ALMS1: variants seen among roughly 807,000 people sequenced by gnomAD.
ALMS1 encodes centrosome-associated protein ALMS1.
In ALMS1, 271 loss-of-function variants were observed where a neutral mutation model predicts 352.2. That is an observed-to-expected ratio of 0.77 (90% CI 0.70 to 0.85). The LOEUF (loss-of-function observed/expected upper bound fraction) is 0.85, where lower values mean the gene tolerates loss of function less well. Among genes scored for constraint, ALMS1 ranks in the 40% least tolerant of loss-of-function variants. The pLI, the probability that ALMS1 is intolerant of heterozygous loss-of-function variation, is 0.00. For missense variants in ALMS1, 5,445 were observed against 4,870.7 expected, an observed-to-expected ratio of 1.12 and a Z score of -3.51; for synonymous variants, 1,865 against 1,761.2, an observed-to-expected ratio of 1.06 and a Z score of -1.48.
chr2:73,408,627 T>G lies in ALMS1; in HGVS notation c.330T>G (p.Val110=). Residue 110 remains valine (V), a synonymous_variant, in exon 2 of 23, where the codon GTT becomes GTG. Transcript: ENST00000613296. ...AGCCTGCTTTTGATTTTCAGATTGT[T>G]CCATTGACCTGTCATGTATGGCAAC... ...EGERTSLEKI[V]PLTCHVWQQI... is the part of the protein sequence containing the mutation. 6.2e-7 allele frequency: 1 copy of G among 1,613,070 alleles called. No homozygotes were observed. The highest frequency in any genetic ancestry group is 1.7e-5 in the Admixed American group (1 of 59,954).
Position 73,600,750 on chromosome 2 carries a change from C to G in ALMS1, c.11741C>G (p.Ser3914Cys). 8 of 1,614,104 alleles carry G rather than the reference C, an allele frequency of 5.0e-6. No homozygotes were observed. The highest frequency in any genetic ancestry group is 1.6e-4 in the Middle Eastern group (1 of 6,062). ...GGGATAACTTTCCCAACTCCAAGTT[C>G]CAGCGAGGCTAAATTGGAAGAGAAC... ...DVGITFPTPS[S>C]SEAKLEENSD... Residue 3914 changes from serine (S) to cysteine (C), a missense_variant, in exon 18 of 23, where the codon TCC (serine) becomes TGC (cysteine). Physicochemically the swap from Ser to Cys is moderately radical, Grantham distance 112. Transcript: ENST00000613296.
chr2:73,401,681 CTT>C (rs530310149), intron 1 of ALMS1, among the ~76,000 whole-genome samples: 5,392 of 143,292 alleles, frequency 0.038, 312 homozygotes, highest in African/African-American at 0.13. Flanking sequence ...TAGTTACTGC[CTT>C]TTTTTTTTTG....
At chr2:73,552,258 C>G (rs936942451) in intron 13 of ALMS1, among the ~76,000 whole-genome samples, 1 of 152,106 alleles carries the variant, frequency 6.6e-6, no homozygotes, top group Non-Finnish European at 1.5e-5. Flanking sequence ...TTATAAATCC[C>G]TTTTGAAATA....
intron 9 of ALMS1, among the ~76,000 whole-genome samples, chr2:73,461,788 G>A (rs577485428): frequency 2.0e-5 from 3 of 152,262 alleles, no homozygotes; most frequent in African/African-American, 4.8e-5. Flanking sequence ...AAGCAAAGGC[G>A]CGAGAACCAT....
At chr2:73,426,199 A>G (rs1477518204) in intron 5 of ALMS1, among the ~76,000 whole-genome samples, 1 of 152,238 alleles carries the variant, frequency 6.6e-6, no homozygotes, top group African/African-American at 2.4e-5. Flanking sequence ...TAATTTGGGT[A>G]AGGATGTTAA....
chr2:73,530,821 A>T (rs2103984207), intron 11 of ALMS1, among the ~76,000 whole-genome samples: 1 of 152,358 alleles, frequency 6.6e-6, no homozygotes, highest in African/African-American at 2.4e-5. Context: ...TAGGCCCAAC[A>T]CCACGTGAAA....
At chr2:73,536,757 G>C (rs1201827150) in intron 12 of ALMS1, among the ~76,000 whole-genome samples, 2 of 152,046 alleles carry the variant, frequency 1.3e-5, no homozygotes, top group Non-Finnish European at 2.9e-5. Flanking sequence ...TGCAAACAAC[G>C]ACGGCAAAAA....
chr2:73,511,397 A>C (rs1447341478), intron 10 of ALMS1, among the ~76,000 whole-genome samples: 2 of 152,048 alleles, frequency 1.3e-5, no homozygotes, highest in African/African-American at 4.8e-5. Flanking sequence ...AACAGTCCTC[A>C]TGGCTTCCCT....
intron 15 of ALMS1, among the ~76,000 whole-genome samples, chr2:73,568,263 G>T (rs1330190614): frequency 6.6e-6 from 1 of 152,156 alleles, no homozygotes; most frequent in Non-Finnish European, 1.5e-5. Context: ...ATTATTAGAA[G>T]TGCAAATTTG....
chr2:73,538,226 G>C (rs758873056), intron 12 of ALMS1, among the ~76,000 whole-genome samples: 1 of 152,070 alleles, frequency 6.6e-6, no homozygotes, highest in Non-Finnish European at 1.5e-5. Flanking sequence ...CAAACAATCT[G>C]ATTCATAAAT....
At chr2:73,458,331 A>AT (rs1388514835) in intron 9 of ALMS1, 1 of 152,140 alleles carries the variant, frequency 6.6e-6, no homozygotes, top group African/African-American at 2.4e-5. Context: ...GGTATGTAAT[A>AT]TCCCATTGTA....
At chr2:73,603,362 G>A (rs186506489) in intron 21 of ALMS1, 58 bp downstream of exon 21, 605 of 1,516,684 alleles carry the variant, frequency 4.0e-4, no homozygotes, top group Non-Finnish European at 4.4e-4. Context: ...CCAAGTGGTC[G>A]GGAGCTCTGG....
At chr2:73,514,681 G>A (rs1673521568) in intron 10 of ALMS1, among the ~76,000 whole-genome samples, 1 of 152,042 alleles carries the variant, frequency 6.6e-6, no homozygotes, top group South Asian at 2.1e-4. Context: ...CTTTCTAGCA[G>A]TTCTGTACTA....
At chr2:73,428,669 T>G (rs994541288) in intron 6 of ALMS1, among the ~76,000 whole-genome samples, 2 of 152,210 alleles carry the variant, frequency 1.3e-5, no homozygotes, top group African/African-American at 4.8e-5. Flanking sequence ...GCCTGAAGTA[T>G]TATTCTTTCA....
At chr2:73,507,762 G>T (rs560309380) in intron 10 of ALMS1, among the ~76,000 whole-genome samples, 1 of 151,924 alleles carries the variant, frequency 6.6e-6, no homozygotes, top group Admixed American at 6.6e-5. Context: ...AGGGTTTTTC[G>T]TGTCTCTATT....
At position 73,490,721 on chromosome 2, in the gene ALMS1, G is replaced by A. The variant is rs1672963248; in HGVS notation, c.8762G>A (p.Cys2921Tyr). 1 of 1,613,902 alleles carries A rather than the reference G, an allele frequency of 6.2e-7. No homozygotes were observed. Among genetic ancestry groups the A allele is most frequent in the African/African-American group, 1.3e-5 (1 of 74,880 alleles). ...QDYVAPDLPS[C>Y]IFLEQRELFE... Reference sequence around the variant, plus strand: ...TATGTAGCTCCAGACCTTCCTTCTTGCATTTTTCTTGAACAACGAGAACTC... The same window carrying A: ...TATGTAGCTCCAGACCTTCCTTCTTACATTTTTCTTGAACAACGAGAACTC... The change falls in exon 10 of 23, where the codon TGC becomes TAC. Residue 2921 changes from cysteine to tyrosine, a missense_variant. By Grantham distance (194) the Cys-to-Tyr change is radical. Coordinates refer to ENST00000613296, the MANE Select transcript of ALMS1 (RefSeq NM_001378454.1).
intron 10 of ALMS1, among the ~76,000 whole-genome samples, chr2:73,505,206 T>G (rs1368422001): frequency 1.3e-5 from 2 of 152,220 alleles, no homozygotes; most frequent in African/African-American, 4.8e-5. Context: ...GTCTTTATAG[T>G]AGAATGATTT....
intron 16 of ALMS1, among the ~76,000 whole-genome samples, chr2:73,589,807 T>C (rs1164696485): frequency 6.6e-6 from 1 of 152,202 alleles, no homozygotes; most frequent in African/African-American, 2.4e-5. Flanking sequence ...CAGTGCTGTC[T>C]TTGTCCATGT....
At chr2:73,467,703 A>G (rs1672385268) in intron 9 of ALMS1, among the ~76,000 whole-genome samples, 1 of 152,078 alleles carries the variant, frequency 6.6e-6, no homozygotes, top group Admixed American at 6.6e-5. Flanking sequence ...TATCAAGAGT[A>G]GAATAGATGA....
Sources: allele counts gnomAD v4.1 joint callset (sites outside exome capture counted in the v4.1 genomes callset), GRCh38; gene constraint gnomAD v4.1.1; transcripts MANE v1.5; gene names NCBI Gene and HGNC (gene_info 2026-07-23, HGNC 2026-07-21).